The following KLHL4 variants were observed in gnomAD, a reference collection of about 807,000 sequenced individuals.
KLHL4 encodes kelch like family member 4, also known as kelch-like protein 4.
Under a neutral mutation model 45.8 loss-of-function variants are expected in KLHL4, and 17 were observed. That is an observed-to-expected ratio of 0.37 (90% CI 0.25 to 0.56). The LOEUF (loss-of-function observed/expected upper bound fraction) is 0.56, where lower values mean the gene tolerates loss of function less well. Among genes scored for constraint, KLHL4 ranks in the 20% least tolerant of loss-of-function variants. The pLI is 0.79. For synonymous variants in KLHL4, 224 were observed against 189.9 expected (o/e 1.18, Z -1.47); for missense variants, 544 against 544.9 (o/e 1.00, Z 0.02).
intron 1 of KLHL4, among the ~76,000 whole-genome samples, chrX:87,608,484 T>C (rs1001183129): frequency 6.3e-5 from 7 of 110,933 alleles, no homozygotes; most frequent in South Asian, 3.9e-4. Flanking sequence ...CTTTTTTTTT[T>C]CCCCAGGAAT....
intron 1 of KLHL4, among the ~76,000 whole-genome samples, chrX:87,546,398 G>T (rs1339826047): frequency 8.9e-6 from 1 of 111,891 alleles, no homozygotes; most frequent in Non-Finnish European, 1.9e-5. Context: ...AGACCTGCAG[G>T]TGCACAGAAG....
chrX:87,556,150 A>G (rs1014458470), intron 1 of KLHL4, among the ~76,000 whole-genome samples: 6 of 110,888 alleles, frequency 5.4e-5, no homozygotes, highest in African/African-American at 1.6e-4. Context: ...TATATGGTCA[A>G]TTTTGGAATA....
intron 1 of KLHL4, among the ~76,000 whole-genome samples, chrX:87,601,549 G>A (rs953972151): frequency 1.8e-5 from 2 of 111,312 alleles, no homozygotes; most frequent in Non-Finnish European, 3.8e-5. Flanking sequence ...GCTCACCCAA[G>A]CCCTGAGATC....
At chrX:87,557,649 T>C (rs1932006591) in intron 1 of KLHL4, among the ~76,000 whole-genome samples, 1 of 112,093 alleles carries the variant, frequency 8.9e-6, no homozygotes, top group Non-Finnish European at 1.9e-5. Flanking sequence ...GTTTTATTTA[T>C]ATTCACATTT....
At chrX:87,618,693 G>A (rs1922647852) in intron 4 of KLHL4, among the ~76,000 whole-genome samples, 1 of 110,821 alleles carries the variant, frequency 9.0e-6, no homozygotes, top group Non-Finnish European at 1.9e-5. Flanking sequence ...TAGACATGGG[G>A]TTTCACCATA....
In KLHL4 at chrX:87,622,389, T is replaced by C. The variant is rs1215818097; in HGVS notation, c.1103T>C (p.Leu368Pro). ...QNRQGELGML[L>P]SYIRLPLLPP... is the part of the protein sequence containing the mutation. ...AGGCAAGGAGAACTGGGGATGCTGC[T>C]TTCTTACATCAGACTGCCATTACTC... Residue 368 changes from leucine to proline, a missense_variant, in exon 5 of 11, where the codon CTT becomes CCT. Transcript: ENST00000373119. The C allele has an allele frequency of 1.7e-6, 2 of 1,203,527 alleles. No individual in the cohort carries two copies. The highest frequency in any genetic ancestry group is 2.2e-6 in the Non-Finnish European group (2 of 890,922).
At chrX:87,558,197 C>T (rs1932020404) in intron 1 of KLHL4, among the ~76,000 whole-genome samples, 1 of 111,418 alleles carries the variant, frequency 9.0e-6, no homozygotes, top group African/African-American at 3.3e-5. Context: ...ATTCTAGAAT[C>T]AGAATATATG....
At chrX:87,581,628 A>G (rs773287960) in intron 1 of KLHL4, among the ~76,000 whole-genome samples, 2 of 112,548 alleles carry the variant, frequency 1.8e-5, no homozygotes, top group South Asian at 7.2e-4. Context: ...CAGCAGCCCT[A>G]TGGAAGAGTG....
At chrX:87,557,758 C>T (rs755091454) in intron 1 of KLHL4, among the ~76,000 whole-genome samples, 4 of 81,763 alleles carry the variant, frequency 4.9e-5, no homozygotes, top group East Asian at 1.2e-3. Context: ...GTGATAGATA[C>T]GGTTTTAAAA....
chrX:87,533,304 C>T (rs1427248043), intron 1 of KLHL4, among the ~76,000 whole-genome samples: 7 of 93,332 alleles, frequency 7.5e-5, no homozygotes, highest in Admixed American at 1.3e-4. Flanking sequence ...GGAACCAACC[C>T]AAATGTCCAA....
rs1208211013 is a variant in KLHL4 at position 87,666,950 on chromosome X, T to C, written c.*416T>C. 1 of 694,198 alleles carries C rather than the reference T, an allele frequency of 1.4e-6. No homozygotes were observed. The highest frequency in any genetic ancestry group is 2.4e-5 in the African/African-American group (1 of 41,978). The allele number at this position is 694,198 out of a possible 1,213,427, so 57.2% of individuals were successfully genotyped here. A position where few individuals can be genotyped will look rare whatever the true frequency, so the allele number is the denominator to read the frequency against. On this transcript the variant is annotated 3_prime_UTR_variant, in exon 11 of 11. Coordinates refer to ENST00000373119, the MANE Select transcript of KLHL4 (RefSeq NM_019117.5). ...AAACGTACTCTTATTATCTGGAACA[T>C]AGAAATATAAAAGGTAACATCTAAA... is the stretch of plus-strand genomic sequence containing the variant.
chrX:87,532,763 G>T (rs1931325607), intron 1 of KLHL4, among the ~76,000 whole-genome samples: 1 of 109,105 alleles, frequency 9.2e-6, no homozygotes, highest in Non-Finnish European at 1.9e-5. Context: ...AAGAATGCTT[G>T]TGATTTTTGT....
At chrX:87,569,813 A>T (rs1480553115) in intron 1 of KLHL4, among the ~76,000 whole-genome samples, 2 of 111,633 alleles carry the variant, frequency 1.8e-5, no homozygotes, top group African/African-American at 6.5e-5. Context: ...TTGCTGAAGG[A>T]TAGGGAGAGA....
At position 87,669,267 on chromosome X, in the gene KLHL4, A is replaced by C; in HGVS notation, c.*2733A>C. The C allele has an allele frequency of 3.4e-6, 4 of 1,193,047 alleles. No homozygotes were observed. The highest frequency in any genetic ancestry group is 3.4e-6 in the Non-Finnish European group (3 of 886,991). ...CGTGTTCACGATTCCCTACTCTGCA[A>C]CTCTCAGCATGCATCATGATGATTC... On this transcript the variant is annotated 3_prime_UTR_variant, in exon 11 of 11. Transcript: ENST00000373119.
chrX:87,534,163 A>G (rs1445778355), intron 1 of KLHL4, among the ~76,000 whole-genome samples: 2 of 111,545 alleles, frequency 1.8e-5, no homozygotes, highest in African/African-American at 3.3e-5. Context: ...CAGAGACCCT[A>G]GTAAATGTAG....
intron 1 of KLHL4, among the ~76,000 whole-genome samples, chrX:87,524,772 T>A (rs1176908367): frequency 8.9e-6 from 1 of 112,196 alleles, no homozygotes; most frequent in Non-Finnish European, 1.9e-5. Context: ...TGTAACATAT[T>A]TACGATACTA....
At chrX:87,631,918 G>A (rs1407218977) in intron 6 of KLHL4, among the ~76,000 whole-genome samples, 1 of 112,360 alleles carries the variant, frequency 8.9e-6, no homozygotes, top group South Asian at 3.6e-4. Context: ...TGACACTTGT[G>A]TTGATACTAC....
At chrX:87,650,839 C>T (rs777694451) in intron 9 of KLHL4, among the ~76,000 whole-genome samples, 10 of 111,610 alleles carry the variant, frequency 9.0e-5, no homozygotes, top group African/African-American at 2.9e-4. Context: ...TCACAATCAT[C>T]GTGGAAGCCA....
At chrX:87,564,395 T>C (rs1932165640) in intron 1 of KLHL4, among the ~76,000 whole-genome samples, 1 of 110,758 alleles carries the variant, frequency 9.0e-6, no homozygotes, top group Non-Finnish European at 1.9e-5. Flanking sequence ...TATAAGATGT[T>C]ATTTGCACCT....
Sources: gnomAD v4.1 joint callset for allele counts (sites outside exome capture counted in the v4.1 genomes callset) on GRCh38, gnomAD v4.1.1 for gene constraint, MANE v1.5 for transcripts, NCBI Gene and HGNC (gene_info 2026-07-23, HGNC 2026-07-21) for gene names.